DCBLD1: variants seen among roughly 807,000 people sequenced by gnomAD.
DCBLD1 encodes discoidin, CUB and LCCL domain-containing protein 1.
Under a neutral mutation model 71.5 loss-of-function variants are expected in DCBLD1, and 57 were observed. The ratio of observed to expected loss-of-function variants is 0.80; its 90% confidence interval spans 0.64 to 0.99. The LOEUF is 0.99. DCBLD1 is among the 50% of genes least tolerant of loss of function. The probability of loss-of-function intolerance (pLI) is 0.00; values close to 1 mark genes in which losing one functional copy is unlikely to be tolerated. For missense variants in DCBLD1, 891 were observed against 923.5 expected (o/e 0.96, Z 0.46); for synonymous variants, 380 against 363.8 (o/e 1.04, Z -0.51).
intron 2 of DCBLD1, among the ~76,000 whole-genome samples, chr6:117,504,712 C>T (rs190630722): frequency 2.4e-4 from 37 of 152,306 alleles, no homozygotes; most frequent in African/African-American, 8.7e-4. Flanking sequence ...GCTGTTAGCG[C>T]ACTGCAACCT....
At position 117,510,732 on chromosome 6, in the gene DCBLD1, C is replaced by T. The variant is rs1429915075; in HGVS notation, c.325+6753C>T. 3.3e-5 allele frequency among the ~76,000 whole-genome samples: 5 copies of T among 152,278 alleles called. No individual in the cohort carries two copies. The East Asian group carries it at 7.7e-4, about 23-fold the overall frequency. Reference sequence around the variant, plus strand: ...AGAGAAATTGGAGTGTCATTATTCACACTGTAGGGAAATTTACACTAAGAT... The same window carrying T: ...AGAGAAATTGGAGTGTCATTATTCATACTGTAGGGAAATTTACACTAAGAT... On this transcript the variant is annotated intron_variant, in intron 2 of 14. Coordinates refer to ENST00000338728, the MANE Select transcript of DCBLD1 (RefSeq NM_001366458.2).
intron 1 of DCBLD1, among the ~76,000 whole-genome samples, chr6:117,485,349 T>C (rs1777050654): frequency 6.6e-6 from 1 of 152,178 alleles, no homozygotes; most frequent in African/African-American, 2.4e-5. Flanking sequence ...CAAGTGTAGA[T>C]TCAAATCTTG....
At chr6:117,518,031 T>C (rs1180579165) in intron 2 of DCBLD1, among the ~76,000 whole-genome samples, 1 of 152,258 alleles carries the variant, frequency 6.6e-6, no homozygotes, top group Non-Finnish European at 1.5e-5. Flanking sequence ...GATTTTCTTT[T>C]CTATCGCACT....
chr6:117,538,864 CAGG>C, intron 8 of DCBLD1, 29 bp downstream of exon 8: 1 of 1,588,826 alleles, frequency 6.3e-7, no homozygotes, highest in African/African-American at 1.3e-5. Context: ...GTGCCAAGTG[CAGG>C]AGTAGTTTCA....
intron 1 of DCBLD1, among the ~76,000 whole-genome samples, chr6:117,491,869 T>C (rs1455637882): frequency 6.6e-6 from 1 of 152,232 alleles, no homozygotes; most frequent in African/African-American, 2.4e-5. Context: ...CTTGGTGCGC[T>C]ATACCTGTAT....
intron 1 of DCBLD1, among the ~76,000 whole-genome samples, chr6:117,499,943 G>A (rs1777597188): frequency 6.6e-6 from 1 of 152,188 alleles, no homozygotes; most frequent in Non-Finnish European, 1.5e-5. Context: ...GCTTGAACCT[G>A]GGAGGCGGAG....
At chr6:117,563,662 C>T (rs1008031384) in intron 14 of DCBLD1, among the ~76,000 whole-genome samples, 8 of 151,312 alleles carry the variant, frequency 5.3e-5, no homozygotes, top group African/African-American at 1.9e-4. Flanking sequence ...GTGGAGGTTG[C>T]AGTGAGCTGA....
At chr6:117,493,881 TAGG>T (rs1388933500) in intron 1 of DCBLD1, among the ~76,000 whole-genome samples, 1 of 152,220 alleles carries the variant, frequency 6.6e-6, no homozygotes, top group East Asian at 1.9e-4. Flanking sequence ...TTTTGTTGTA[TAGG>T]AGATGTCCTA....
In DCBLD1 at chr6:117,569,809, A is replaced by G. The variant is rs1383317017; in HGVS notation, c.*185A>G. ...AGTTACCGATTAATCTAGAGATAAA[A>G]TATTTTCTTAAAAATATATTTCATT... On this transcript the variant is annotated 3_prime_UTR_variant, in exon 15 of 15. Coordinates refer to the DCBLD1 transcript ENST00000296955. The G allele has an allele frequency of 2.1e-6, 3 of 1,414,170 alleles. No individual in the cohort carries two copies. In the African/African-American group the frequency reaches 4.5e-5, roughly 21 times the overall value. The allele number at this position is 1,414,170 out of a possible 1,614,324, so 87.6% of individuals were successfully genotyped here.
intron 4 of DCBLD1, among the ~76,000 whole-genome samples, chr6:117,522,755 A>G (rs2134089): frequency 0.31 from 46,671 of 152,068 alleles, 8,253 homozygotes; most frequent in African/African-American, 0.49. Flanking sequence ...CTAGTGCTCG[A>G]TATAGCTGTC....
chr6:117,504,085 G>A, intron 2 of DCBLD1, 106 bp downstream of exon 2: 1 of 1,251,094 alleles, frequency 8.0e-7, no homozygotes. Flanking sequence ...GATTAGAAGA[G>A]AAACTTGCTT....
chr6:117,529,653 T>G (rs1214965360), intron 5 of DCBLD1, among the ~76,000 whole-genome samples: 3 of 152,182 alleles, frequency 2.0e-5, no homozygotes. Context: ...TCAATTTCCT[T>G]TAAGTTGGAT....
chr6:117,490,877 T>A (rs537772918), intron 1 of DCBLD1, among the ~76,000 whole-genome samples: 1 of 152,234 alleles, frequency 6.6e-6, no homozygotes. Context: ...CATTTGAGCA[T>A]GTTTAGTGAT....
chr6:117,543,988 TTTCTC>T (rs1779183256), intron 12 of DCBLD1, among the ~76,000 whole-genome samples: 3 of 152,354 alleles, frequency 2.0e-5, no homozygotes, highest in South Asian at 4.1e-4. Flanking sequence ...ATTCTGAAGT[TTTCTC>T]TTCTTATATT....
At chr6:117,524,007 A>G (rs1778466462) in intron 4 of DCBLD1, among the ~76,000 whole-genome samples, 1 of 152,132 alleles carries the variant, frequency 6.6e-6, no homozygotes, top group African/African-American at 2.4e-5. Context: ...ATATGTTGAC[A>G]CTTGAAGGGA....
intron 2 of DCBLD1, among the ~76,000 whole-genome samples, chr6:117,515,380 A>G (rs1778161619): frequency 6.6e-6 from 1 of 152,180 alleles, no homozygotes; most frequent in Non-Finnish European, 1.5e-5. Flanking sequence ...AGAGATTACT[A>G]TCATCATCAC....
chr6:117,550,516 A>G (rs924327972), downstream of DCBLD1, among the ~76,000 whole-genome samples: 3 of 152,208 alleles, frequency 2.0e-5, no homozygotes, highest in Middle Eastern at 3.2e-3. Context: ...CGGTTGAAAC[A>G]CATTTGCTAT....
Position 117,545,004 on chromosome 6 carries a change from C to G in DCBLD1, c.1495+427C>G, listed in dbSNP as rs966821719. 2.9e-4 allele frequency among the ~76,000 whole-genome samples: 43 copies of G among 149,072 alleles called. 1 individual carries two copies. Among genetic ancestry groups the G allele is most frequent in the African/African-American group, 1.1e-3 (43 of 40,486 alleles). ...GGTTTCAGATAATCCTGCACACCAG[C>G]CCCGTCTGGTCTTTTTCTCACTTTC... is the stretch of plus-strand genomic sequence containing the variant. On this transcript the variant is annotated intron_variant, in intron 13 of 14. Coordinates refer to ENST00000338728, the MANE Select transcript of DCBLD1 (RefSeq NM_001366458.2).
At chr6:117,536,647 G>A (rs897848406) in intron 6 of DCBLD1, among the ~76,000 whole-genome samples, 51 of 152,304 alleles carry the variant, frequency 3.3e-4, no homozygotes, top group African/African-American at 1.2e-3. Flanking sequence ...TGGCCGTGGA[G>A]AGAGAGACAG....
Sources: gnomAD v4.1 joint callset for allele counts (sites outside exome capture counted in the v4.1 genomes callset) on GRCh38, gnomAD v4.1.1 for gene constraint, MANE v1.5 for transcripts, NCBI Gene and HGNC (gene_info 2026-07-23, HGNC 2026-07-21) for gene names.